SCHIP1: variants seen among roughly 807,000 people sequenced by gnomAD.
The protein encoded by SCHIP1 is schwannomin-interacting protein 1.
Under a neutral mutation model 29.7 loss-of-function variants are expected in SCHIP1, and 8 were observed. The observed-to-expected ratio is 0.27, with a 90% CI of 0.16 to 0.49. SCHIP1 has a LOEUF of 0.49. Ranked by LOEUF, SCHIP1 falls within the 20% of genes least tolerant of loss-of-function variation. The pLI, the probability that SCHIP1 is intolerant of heterozygous loss-of-function variation, is 0.99. For missense variants in SCHIP1, 193 were observed against 294.6 expected (o/e 0.66, Z 2.52); for synonymous variants, 76 against 94.9 (o/e 0.80, Z 1.16).
chr3:159,432,744 A>G, the SCHIP1 span, among the ~76,000 whole-genome samples: 6 of 152,168 alleles, frequency 3.9e-5, no homozygotes, highest in Non-Finnish European at 1.5e-5. Context: ...GCATACTATC[A>G]CTCAATTGTA....
the SCHIP1 span, among the ~76,000 whole-genome samples, chr3:159,499,486 C>G: frequency 4.3e-3 from 660 of 152,272 alleles, 5 homozygotes; most frequent in South Asian, 3.5e-3. Flanking sequence ...TGTTAAAAGT[C>G]AAACATATTT....
chr3:159,505,574 T>C, the SCHIP1 span, among the ~76,000 whole-genome samples: 1 of 152,220 alleles, frequency 6.6e-6, no homozygotes, highest in Non-Finnish European at 1.5e-5. Context: ...CTGCACCCAT[T>C]AACTCATCAT....
chr3:159,638,133 A>T, the SCHIP1 span, among the ~76,000 whole-genome samples: 1 of 152,060 alleles, frequency 6.6e-6, no homozygotes, highest in South Asian at 2.1e-4. Context: ...TAAGATTTGG[A>T]CTGGCCTAGA....
the SCHIP1 span, among the ~76,000 whole-genome samples, chr3:159,611,311 C>G: frequency 3.9e-5 from 6 of 151,974 alleles, no homozygotes; most frequent in East Asian, 7.7e-4. Context: ...CATGGTGCAG[C>G]TGATTAAAAA....
At chr3:159,868,013 TAAATCAA>T (rs1714827155) in intron 2 of SCHIP1, among the ~76,000 whole-genome samples, 1 of 148,452 alleles carries the variant, frequency 6.7e-6, no homozygotes, top group African/African-American at 2.4e-5. Flanking sequence ...TATATATATA[TAAATCAA>T]TGATTTTTAT....
the SCHIP1 span, among the ~76,000 whole-genome samples, chr3:159,407,723 CAAG>C: frequency 1.2e-4 from 18 of 152,208 alleles, no homozygotes; most frequent in East Asian, 2.7e-3. Context: ...AAATAAATAA[CAAG>C]AAGAAGTCTG....
exon 1 of SCHIP1, chr3:159,839,899 G>C (rs1009329593): frequency 7.2e-7 from 1 of 1,396,128 alleles, no homozygotes; most frequent in Non-Finnish European, 9.2e-7. Context: ...TGATTGTGCG[G>C]GTGATGAGCG....
At chr3:159,470,222 A>G in the SCHIP1 span, among the ~76,000 whole-genome samples, 1 of 152,164 alleles carries the variant, frequency 6.6e-6, no homozygotes, top group African/African-American at 2.4e-5. Context: ...TCAGAAACAA[A>G]ACAAAAATGA....
chr3:159,626,168 ATATC>A, the SCHIP1 span, among the ~76,000 whole-genome samples: 5,244 of 65,732 alleles, frequency 0.08, 402 homozygotes, highest in East Asian at 0.17. Context: ...ATATCTAGAT[ATATC>A]TATCTATCTA....
chr3:159,452,790 C>A, the SCHIP1 span, among the ~76,000 whole-genome samples: 2 of 152,200 alleles, frequency 1.3e-5, no homozygotes, highest in African/African-American at 4.8e-5. Flanking sequence ...GTTTCTATTT[C>A]TCCACAACCT....
chr3:159,285,125 A>G, the SCHIP1 span, among the ~76,000 whole-genome samples: 1 of 152,102 alleles, frequency 6.6e-6, no homozygotes, highest in South Asian at 2.1e-4. Context: ...TACAATTTTT[A>G]CTTTGGGGTA....
exon 7 of SCHIP1, chr3:159,896,980 T>C (rs1718119770): frequency 2.2e-6 from 1 of 463,672 alleles, no homozygotes; most frequent in South Asian, 4.6e-5. Flanking sequence ...TTTAATAAAA[T>C]ATTGTTACAA....
At chr3:159,439,861 C>T in the SCHIP1 span, among the ~76,000 whole-genome samples, 5 of 152,122 alleles carry the variant, frequency 3.3e-5, no homozygotes, top group Admixed American at 2.6e-4. Flanking sequence ...GTTTGTTTTG[C>T]TGTGCAGAAG....
chr3:159,636,252 T>C, the SCHIP1 span, among the ~76,000 whole-genome samples: 2 of 152,274 alleles, frequency 1.3e-5, no homozygotes, highest in African/African-American at 4.8e-5. Context: ...TTCACCATGT[T>C]GGCCAGGCTG....
chr3:159,351,114 C>T, the SCHIP1 span, among the ~76,000 whole-genome samples: 1 of 152,256 alleles, frequency 6.6e-6, no homozygotes, highest in African/African-American at 2.4e-5. Flanking sequence ...AATGGAGGAA[C>T]TAATGTATGA....
the SCHIP1 span, among the ~76,000 whole-genome samples, chr3:159,308,909 G>C: frequency 6.6e-6 from 1 of 152,096 alleles, no homozygotes; most frequent in Admixed American, 6.6e-5. Flanking sequence ...ATTCATGCAG[G>C]AACAAAAAGC....
chr3:159,882,817 C>T (rs1024370158), intron 2 of SCHIP1, among the ~76,000 whole-genome samples: 4 of 152,180 alleles, frequency 2.6e-5, no homozygotes, highest in African/African-American at 9.7e-5. Context: ...TTCTAAATAA[C>T]AGCCTTCCTC....
At chr3:159,443,493 C>T in the SCHIP1 span, among the ~76,000 whole-genome samples, 2 of 152,122 alleles carry the variant, frequency 1.3e-5, no homozygotes, top group African/African-American at 4.8e-5. Flanking sequence ...CCAGCCAGCC[C>T]TGATGGTTCC....
rs529111953 is a variant in SCHIP1, at chr3:159,870,234, A to G, written c.149+3953A>G. On this transcript the variant is annotated intron_variant, in intron 2 of 6. Coordinates refer to ENST00000445224, the Ensembl canonical transcript of SCHIP1. The stretch of plus-strand genomic sequence containing the variant: ...GCTTTTGGTTTCTTTGTCTTATTGG[A>G]TTGGCTAGGTACCCTAATACAGTGA... Among the ~76,000 whole-genome samples the G allele has an allele frequency of 2.0e-5, 3 of 152,006 alleles. No homozygotes were observed. In the East Asian group the frequency reaches 5.8e-4, roughly 29 times the overall value.
Sources: allele counts gnomAD v4.1 joint callset (sites outside exome capture counted in the v4.1 genomes callset), GRCh38; gene constraint gnomAD v4.1.1; transcripts MANE v1.5; gene names NCBI Gene and HGNC (gene_info 2026-07-23, HGNC 2026-07-21).